UGT1A9: variants seen among roughly 807,000 people sequenced by gnomAD.
UGT1A9 encodes the protein UDP glucuronosyltransferase family 1 member A9, also known as UDP-glucuronosyltransferase 1A9.
A neutral mutation model predicts 45.0 loss-of-function variants in UGT1A9; 35 were observed. That is an observed-to-expected ratio of 0.78 (90% CI 0.59 to 1.03). The LOEUF (loss-of-function observed/expected upper bound fraction) is 1.03. UGT1A9 is among the 50% of genes least tolerant of loss of function. The pLI is 0.00. For synonymous variants in UGT1A9, 278 were observed against 250.6 expected, an observed-to-expected ratio of 1.11 and a Z score of -1.03; for missense variants, 687 against 666.6, an observed-to-expected ratio of 1.03 and a Z score of -0.34.
chr2:233,710,147 T>C (rs2076113994), intron 1 of UGT1A9, among the ~76,000 whole-genome samples: 1 of 152,240 alleles, frequency 6.6e-6, no homozygotes, highest in South Asian at 2.1e-4. Context: ...TATAGATATA[T>C]CATCATTTGC....
chr2:233,709,261 T>G (rs1161769974), intron 1 of UGT1A9, among the ~76,000 whole-genome samples: 1 of 152,190 alleles, frequency 6.6e-6, no homozygotes, highest in Non-Finnish European at 1.5e-5. Flanking sequence ...GGAAATAACT[T>G]GTCCACGCTG....
At chr2:233,691,459 A>G (rs1559344929) in intron 1 of UGT1A9, 1 of 985,756 alleles carries the variant, frequency 1.0e-6, no homozygotes, top group African/African-American at 1.7e-5. Context: ...CCTGGGCCCC[A>G]GAACACCTCC....
intron 1 of UGT1A9, chr2:233,693,450 C>G (rs767791458): frequency 1.2e-6 from 2 of 1,614,122 alleles, no homozygotes; most frequent in Non-Finnish European, 1.7e-6. Flanking sequence ...GCTCTTTTCA[C>G]AGACCCAGCC....
intron 1 of UGT1A9, chr2:233,713,749 C>T (rs1291086898): frequency 6.2e-7 from 1 of 1,613,848 alleles, no homozygotes; most frequent in African/African-American, 1.3e-5. Flanking sequence ...AGCCATGCAT[C>T]TGTGTGGCTG....
chr2:233,746,205 C>G (rs547152411), intron 1 of UGT1A9, among the ~76,000 whole-genome samples: 7 of 151,856 alleles, frequency 4.6e-5, no homozygotes, highest in Admixed American at 2.6e-4. Flanking sequence ...TATAGCTATA[C>G]TCTAATAGCA....
chr2:233,729,944 T>C, intron 1 of UGT1A9: 6 of 1,614,066 alleles, frequency 3.7e-6, no homozygotes, highest in Non-Finnish European at 5.1e-6. Flanking sequence ...ATGCCCAACA[T>C]GGTCTTCATT....
intron 1 of UGT1A9, among the ~76,000 whole-genome samples, chr2:233,674,271 G>T (rs1321393830): frequency 6.6e-6 from 1 of 152,186 alleles, no homozygotes. Context: ...GACTACAGTT[G>T]TAGGCCTTTC....
intron 1 of UGT1A9, chr2:233,740,779 T>C (rs1209368922): frequency 1.3e-5 from 2 of 151,852 alleles, no homozygotes; most frequent in African/African-American, 4.9e-5. Flanking sequence ...GTATAAAAGA[T>C]GAATACCCAC....
chr2:233,679,408 G>T (rs2074451900), intron 1 of UGT1A9, among the ~76,000 whole-genome samples: 1 of 152,102 alleles, frequency 6.6e-6, no homozygotes, highest in African/African-American at 2.4e-5. Flanking sequence ...TTGAGGTTTG[G>T]CAGTTCTACT....
intron 1 of UGT1A9, among the ~76,000 whole-genome samples, chr2:233,696,402 G>A (rs1269862179): frequency 6.6e-6 from 1 of 152,092 alleles, no homozygotes; most frequent in Non-Finnish European, 1.5e-5. Flanking sequence ...TTTTGTAAAT[G>A]GGGTTGATTT....
chr2:233,692,728 T>C (rs2075111664), intron 1 of UGT1A9: 2 of 919,958 alleles, frequency 2.2e-6, no homozygotes, highest in Non-Finnish European at 2.9e-6. Context: ...TGCTATAACT[T>C]TTCAGAGAGG....
intron 1 of UGT1A9, chr2:233,760,638 A>C (rs752920136): frequency 6.2e-7 from 1 of 1,614,204 alleles, no homozygotes; most frequent in South Asian, 1.1e-5. Flanking sequence ...AGAAAATAAA[A>C]AAGGACTCTG....
intron 1 of UGT1A9, chr2:233,719,318 G>T: frequency 6.2e-7 from 1 of 1,613,954 alleles, no homozygotes; most frequent in Non-Finnish European, 8.5e-7. Flanking sequence ...AGTACCTGTC[G>T]ATTCCTGCTG....
chr2:233,722,354 A>G (rs2077008868), intron 1 of UGT1A9, among the ~76,000 whole-genome samples: 2 of 152,262 alleles, frequency 1.3e-5, no homozygotes, highest in African/African-American at 4.8e-5. Flanking sequence ...CTACAAATAT[A>G]CAAGACTAAA....
intron 1 of UGT1A9, among the ~76,000 whole-genome samples, chr2:233,764,945 G>GA (rs2126013513): frequency 6.6e-6 from 1 of 152,312 alleles, no homozygotes; most frequent in Non-Finnish European, 1.5e-5. Context: ...GAGTGGCGGG[G>GA]AGAGAGGGCT....
intron 1 of UGT1A9, chr2:233,750,567 C>G (rs1230562765): frequency 2.0e-5 from 3 of 151,970 alleles, no homozygotes; most frequent in Admixed American, 6.5e-5. Context: ...GCAGCAGACC[C>G]TCCCATCACA....
intron 1 of UGT1A9, among the ~76,000 whole-genome samples, chr2:233,765,584 C>A (rs1030389138): frequency 6.6e-6 from 1 of 151,846 alleles, no homozygotes; most frequent in African/African-American, 2.4e-5. Context: ...GGGAGGGGAA[C>A]AACACACACC....
intron 4 of UGT1A9, 143 bp downstream of exon 4, chr2:233,768,582 CTTTTTTTTTTTTT>C (rs139595073): frequency 1.1e-5 from 11 of 1,033,176 alleles, no homozygotes; most frequent in Non-Finnish European, 9.8e-6. Context: ...TTTATTTCTT[CTTTTTTTTTTTTT>C]TTTTTTTTTG....
rs748749611 is a variant in UGT1A9, at chr2:233,713,227, C to T, written c.855+40438C>T. 53 of 1,614,134 alleles carry T rather than the reference C, an allele frequency of 3.3e-5. 2 individuals are homozygous for T. Among genetic ancestry groups the T allele is most frequent in the Admixed American group, 2.3e-4 (14 of 60,014 alleles). ...GAAGAGAACTTTTTCACCCTGACAA[C>T]GTATGCCATTTCATGGACCCAGGAC... On this transcript the variant is annotated intron_variant, in intron 1 of 4. Coordinates refer to ENST00000354728, the MANE Select transcript of UGT1A9 (RefSeq NM_021027.3).
Sources: allele counts gnomAD v4.1 joint callset (sites outside exome capture counted in the v4.1 genomes callset), GRCh38; gene constraint gnomAD v4.1.1; transcripts MANE v1.5; gene names NCBI Gene and HGNC (gene_info 2026-07-23, HGNC 2026-07-21).